ZC3H12B: variants seen among roughly 807,000 people sequenced by gnomAD.
The protein encoded by ZC3H12B is probable ribonuclease ZC3H12B.
ZC3H12B carries 7 observed loss-of-function variants against 43.9 expected under a neutral mutation model. That is an observed-to-expected ratio of 0.16 (90% confidence interval 0.09 to 0.30). The LOEUF is 0.30. Ranked by LOEUF, ZC3H12B falls within the 10% of genes least tolerant of loss-of-function variation. ZC3H12B has a pLI of 1.00. For missense variants in ZC3H12B, 475 were observed against 670.2 expected (o/e 0.71, Z 3.22); for synonymous variants, 222 against 241.7 (o/e 0.92, Z 0.76).
the ZC3H12B span, among the ~76,000 whole-genome samples, chrX:65,171,697 G>C: frequency 9.0e-6 from 1 of 110,991 alleles, no homozygotes; most frequent in Non-Finnish European, 1.9e-5. Context: ...CACCGAGTTT[G>C]AGTTTCCCAG....
chrX:65,443,550 T>C (rs185090293), intron 3 of ZC3H12B, among the ~76,000 whole-genome samples: 1 of 112,750 alleles, frequency 8.9e-6, no homozygotes, highest in Non-Finnish European at 1.9e-5. Context: ...TTTCTATAGA[T>C]ATTAAATTAA....
chrX:65,258,384 C>A, the ZC3H12B span, among the ~76,000 whole-genome samples: 2 of 111,630 alleles, frequency 1.8e-5, no homozygotes, highest in Admixed American at 9.5e-5. Flanking sequence ...ATGTTGAAAA[C>A]CCTCAACAAA....
chrX:65,222,260 G>T, the ZC3H12B span, among the ~76,000 whole-genome samples: 8 of 111,178 alleles, frequency 7.2e-5, no homozygotes, highest in Non-Finnish European at 1.5e-4. Context: ...ACAAGGTAAA[G>T]TTCAAAGCAT....
At chrX:65,147,912 G>A in the ZC3H12B span, among the ~76,000 whole-genome samples, 1 of 110,705 alleles carries the variant, frequency 9.0e-6, no homozygotes, top group African/African-American at 3.3e-5. Context: ...AGTTTCCTGG[G>A]GGGAGCTTGC....
At chrX:65,399,826 A>G (rs2066742753) in intron 3 of ZC3H12B, among the ~76,000 whole-genome samples, 1 of 112,479 alleles carries the variant, frequency 8.9e-6, no homozygotes, top group African/African-American at 3.2e-5. Context: ...ATACATGTAA[A>G]CAATGGAGTA....
At chrX:65,039,431 A>G in the ZC3H12B span, among the ~76,000 whole-genome samples, 1 of 111,834 alleles carries the variant, frequency 8.9e-6, no homozygotes, top group Non-Finnish European at 1.9e-5. Context: ...AAATGGATAT[A>G]TTTCTAAAAT....
chrX:65,300,871 A>G, the ZC3H12B span, among the ~76,000 whole-genome samples: 1 of 111,664 alleles, frequency 9.0e-6, no homozygotes, highest in South Asian at 3.7e-4. Flanking sequence ...ATACACAGTG[A>G]AAGAATCAAC....
At chrX:65,106,496 G>A in the ZC3H12B span, among the ~76,000 whole-genome samples, 2 of 111,578 alleles carry the variant, frequency 1.8e-5, no homozygotes, top group African/African-American at 3.3e-5. Flanking sequence ...TCAGAGGAAG[G>A]GAGATTGTGT....
the ZC3H12B span, among the ~76,000 whole-genome samples, chrX:65,268,461 A>T: frequency 8.9e-6 from 1 of 112,152 alleles, no homozygotes; most frequent in Non-Finnish European, 1.9e-5. Context: ...ACCAAAAGAA[A>T]ACAAAACTGC....
At position 65,442,070 on chromosome X, in the gene ZC3H12B, A is replaced by G. The variant is rs1247028124; in HGVS notation, n.407+43366A>G. 4.7e-5 allele frequency among the ~76,000 whole-genome samples: 5 copies of G among 105,688 alleles called. No homozygotes were observed. The Admixed American group carries it at 5.3e-4, about 11-fold the overall frequency. 91.8% of individuals were successfully genotyped at this position (105,688 alleles called of 115,157 possible). ...GATTTTTTCTACATTCTTTTTTAGTATGACCATGCTTCCCACAGTTAAAAC... is the reference window on the plus strand; with the variant it reads ...GATTTTTTCTACATTCTTTTTTAGTGTGACCATGCTTCCCACAGTTAAAAC... On this transcript the variant is annotated intron_variant and non_coding_transcript_variant, in intron 3 of 5. Transcript: ENST00000617377.
At chrX:65,142,941 C>A in the ZC3H12B span, among the ~76,000 whole-genome samples, 1 of 111,748 alleles carries the variant, frequency 8.9e-6, no homozygotes, top group South Asian at 3.7e-4. Context: ...GTGGTGCCTC[C>A]AGATTTTTTC....
chrX:65,289,197 A>G, the ZC3H12B span, among the ~76,000 whole-genome samples: 1 of 111,251 alleles, frequency 9.0e-6, no homozygotes, highest in African/African-American at 3.3e-5. Flanking sequence ...TGTAATCCCA[A>G]TCAAAATAAC....
At chrX:65,167,357 G>A in the ZC3H12B span, among the ~76,000 whole-genome samples, 10 of 111,369 alleles carry the variant, frequency 9.0e-5, no homozygotes, top group Non-Finnish European at 1.9e-4. Flanking sequence ...GTTTGTAGAT[G>A]TGTGGTATTA....
At chrX:65,061,700 T>A in the ZC3H12B span, among the ~76,000 whole-genome samples, 1 of 112,545 alleles carries the variant, frequency 8.9e-6, no homozygotes, top group Non-Finnish European at 1.9e-5. Context: ...GATTGCTGGA[T>A]CAAGTGATAT....
the ZC3H12B span, among the ~76,000 whole-genome samples, chrX:65,213,345 A>G: frequency 9.0e-6 from 1 of 110,508 alleles, no homozygotes; most frequent in Non-Finnish European, 1.9e-5. Context: ...AACACCACAA[A>G]TATTATTGCA....
the ZC3H12B span, among the ~76,000 whole-genome samples, chrX:65,336,080 T>C: frequency 8.9e-6 from 1 of 112,137 alleles, no homozygotes; most frequent in East Asian, 2.8e-4. Flanking sequence ...GACAGAAAGA[T>C]ACAGAAAGAA....
At chrX:65,280,302 A>G in the ZC3H12B span, among the ~76,000 whole-genome samples, 1 of 112,682 alleles carries the variant, frequency 8.9e-6, no homozygotes, top group Non-Finnish European at 1.9e-5. Flanking sequence ...CAAAAATCAT[A>G]TGATCATCTC....
the ZC3H12B span, among the ~76,000 whole-genome samples, chrX:65,110,326 A>T: frequency 9.2e-6 from 1 of 109,023 alleles, no homozygotes; most frequent in East Asian, 2.9e-4. Context: ...TCTTTTATGC[A>T]TTGTGCTTTT....
chrX:65,136,529 C>T, the ZC3H12B span, among the ~76,000 whole-genome samples: 9 of 111,148 alleles, frequency 8.1e-5, no homozygotes, highest in African/African-American at 2.9e-4. Flanking sequence ...GGTAATCTCA[C>T]AGTTTTTTCT....
Sources: gnomAD v4.1 joint callset for allele counts (sites outside exome capture counted in the v4.1 genomes callset) on GRCh38, gnomAD v4.1.1 for gene constraint, MANE v1.5 for transcripts, NCBI Gene and HGNC (gene_info 2026-07-23, HGNC 2026-07-21) for gene names.